The following GTF2IRD1 variants were observed in gnomAD, a reference collection of about 807,000 sequenced individuals.
GTF2IRD1 encodes the protein general transcription factor II-I repeat domain-containing protein 1.
In GTF2IRD1, 26 loss-of-function variants were observed where a neutral mutation model predicts 113.2. The observed-to-expected ratio is 0.23, with a 90% CI of 0.17 to 0.32. GTF2IRD1 has a LOEUF of 0.32. Among genes scored for constraint, GTF2IRD1 ranks in the 10% least tolerant of loss-of-function variants. The pLI, the probability that GTF2IRD1 is intolerant of heterozygous loss-of-function variation, is 1.00. For missense variants in GTF2IRD1, 864 were observed against 1,280.8 expected, an observed-to-expected ratio of 0.67 and a Z score of 4.97; for synonymous variants, 484 against 529.1, an observed-to-expected ratio of 0.91 and a Z score of 1.17.
chr7:74,467,818 T>C (rs1426124721), intron 1 of GTF2IRD1, among the ~76,000 whole-genome samples: 1 of 152,114 alleles, frequency 6.6e-6, no homozygotes, highest in Non-Finnish European at 1.5e-5. Context: ...CTCAGTCTCC[T>C]GAGTAGCTGG....
At chr7:74,573,139 G>C (rs1339666730) in intron 22 of GTF2IRD1, among the ~76,000 whole-genome samples, 3 of 152,122 alleles carry the variant, frequency 2.0e-5, no homozygotes, top group Non-Finnish European at 4.4e-5. Flanking sequence ...GGGTGCGGTT[G>C]CTTACACTTG....
chr7:74,464,656 C>T (rs1793598464), intron 1 of GTF2IRD1, among the ~76,000 whole-genome samples: 1 of 152,124 alleles, frequency 6.6e-6, no homozygotes, highest in Non-Finnish European at 1.5e-5. Flanking sequence ...CCATGTTGGC[C>T]AGGCTGGTCT....
chr7:74,601,507 T>C, intron 26 of GTF2IRD1: 1 of 1,424,062 alleles, frequency 7.0e-7, no homozygotes, highest in Non-Finnish European at 9.2e-7. Flanking sequence ...GTGCAGTGGC[T>C]CACGCCTGTA....
intron 1 of GTF2IRD1, among the ~76,000 whole-genome samples, chr7:74,503,667 TG>T (rs1796150752): frequency 6.6e-6 from 1 of 152,156 alleles, no homozygotes; most frequent in African/African-American, 2.4e-5. Flanking sequence ...GAGAATCACT[TG>T]GACATGGGAG....
At chr7:74,543,186 C>T (rs1197940305) in intron 14 of GTF2IRD1, among the ~76,000 whole-genome samples, 1 of 152,140 alleles carries the variant, frequency 6.6e-6, no homozygotes, top group Non-Finnish European at 1.5e-5. Flanking sequence ...CCTGTTATCC[C>T]AGCTATTTGG....
chr7:74,497,704 TTTTG>T (rs1330984058), intron 1 of GTF2IRD1, among the ~76,000 whole-genome samples: 4 of 152,100 alleles, frequency 2.6e-5, no homozygotes, highest in African/African-American at 7.2e-5. Flanking sequence ...GTTTTGTTTG[TTTTG>T]TTTGTTTTTG....
intron 8 of GTF2IRD1, among the ~76,000 whole-genome samples, chr7:74,527,948 G>T (rs1273775155): frequency 6.6e-6 from 1 of 152,222 alleles, no homozygotes; most frequent in Non-Finnish European, 1.5e-5. Context: ...AGTAGCCTGG[G>T]CATGAGCCTG....
chr7:74,491,273 T>G (rs1256229156), intron 1 of GTF2IRD1, among the ~76,000 whole-genome samples: 1 of 148,260 alleles, frequency 6.7e-6, no homozygotes, highest in Non-Finnish European at 1.5e-5. Context: ...ACTGCTGCAC[T>G]CCAGCCTGGG....
chr7:74,548,510 C>T (rs1232405615), intron 17 of GTF2IRD1, among the ~76,000 whole-genome samples: 1 of 152,022 alleles, frequency 6.6e-6, no homozygotes, highest in Admixed American at 6.6e-5. Context: ...TGGCTCATGC[C>T]TATAATCCCA....
intron 17 of GTF2IRD1, among the ~76,000 whole-genome samples, chr7:74,551,764 C>T (rs1468572229): frequency 6.6e-6 from 1 of 151,996 alleles, no homozygotes; most frequent in Non-Finnish European, 1.5e-5. Context: ...AGTGAAACCC[C>T]GTCTCTACTA....
rs191711954 is a variant in GTF2IRD1 at position 74,511,704 on chromosome 7, A to G, written c.124-1126A>G. On this transcript the variant is annotated intron_variant, in intron 2 of 26. Transcript: ENST00000424337. Reference sequence around the variant, plus strand: ...AGAGGTTACCTGTCCCAGGCCACGCAGCACAGAACTGCGTTTGGAAGCCAG... The same window carrying G: ...AGAGGTTACCTGTCCCAGGCCACGCGGCACAGAACTGCGTTTGGAAGCCAG... Among the ~76,000 whole-genome samples the G allele has an allele frequency of 5.9e-3, 899 of 152,320 alleles. 5 individuals carry two copies. The highest frequency in any genetic ancestry group is 9.1e-3 in the Non-Finnish European group (622 of 68,034).
intron 11 of GTF2IRD1, among the ~76,000 whole-genome samples, chr7:74,537,855 A>G (rs1483992661): frequency 6.6e-6 from 1 of 152,188 alleles, no homozygotes; most frequent in Admixed American, 6.5e-5. Flanking sequence ...GAGCTCCCAG[A>G]TGGTGAAGAA....
chr7:74,530,252 C>T (rs1159724266), intron 9 of GTF2IRD1, among the ~76,000 whole-genome samples: 1 of 152,106 alleles, frequency 6.6e-6, no homozygotes, highest in Admixed American at 6.6e-5. Context: ...TGGCCTTCTG[C>T]TCCGGGCTTG....
chr7:74,473,603 T>C (rs1449042440), intron 1 of GTF2IRD1, among the ~76,000 whole-genome samples: 1 of 152,114 alleles, frequency 6.6e-6, no homozygotes, highest in Non-Finnish European at 1.5e-5. Flanking sequence ...GGGATTCTTA[T>C]TGGCTGTGAA....
chr7:74,515,674 C>T (rs1796891685), intron 4 of GTF2IRD1, 78 bp downstream of exon 4: 1 of 1,341,510 alleles, frequency 7.5e-7, no homozygotes, highest in South Asian at 1.4e-5. Context: ...AGGGGGCCCC[C>T]TCCTGTCCCA....
chr7:74,547,755 CTTTTTTTTTT>C (rs587743253), intron 17 of GTF2IRD1, among the ~76,000 whole-genome samples: 1 of 114,256 alleles, frequency 8.8e-6, no homozygotes, highest in African/African-American at 3.4e-5. Flanking sequence ...TTCTCTCTCT[CTTTTTTTTTT>C]TTTTTTTTTT....
intron 1 of GTF2IRD1, among the ~76,000 whole-genome samples, chr7:74,472,332 T>C (rs61296339): frequency 0.15 from 23,189 of 152,208 alleles, 2,244 homozygotes; most frequent in African/African-American, 0.27. Flanking sequence ...AGCCATAGAA[T>C]GTTAGAACTG....
intron 1 of GTF2IRD1, among the ~76,000 whole-genome samples, chr7:74,480,970 G>A (rs1794708851): frequency 6.6e-6 from 1 of 152,002 alleles, no homozygotes; most frequent in Non-Finnish European, 1.5e-5. Context: ...CCTCAGATCG[G>A]CTTCCCCCAG....
At chr7:74,594,710 G>C (rs1376141860) in intron 24 of GTF2IRD1, among the ~76,000 whole-genome samples, 2 of 152,130 alleles carry the variant, frequency 1.3e-5, no homozygotes, top group Non-Finnish European at 2.9e-5. Flanking sequence ...CCAGCACTTT[G>C]GGAGGTGGAG....
Sources: allele counts gnomAD v4.1 joint callset (sites outside exome capture counted in the v4.1 genomes callset), GRCh38; gene constraint gnomAD v4.1.1; transcripts MANE v1.5; gene names NCBI Gene and HGNC (gene_info 2026-07-23, HGNC 2026-07-21).